The following PSMD6 variants were observed in gnomAD, a reference collection of about 807,000 sequenced individuals.
PSMD6 encodes the protein 26S proteasome non-ATPase regulatory subunit 6.
Under a neutral mutation model 44.9 loss-of-function variants are expected in PSMD6, and 7 were observed. The observed-to-expected ratio is 0.16, with a 90% CI of 0.09 to 0.29. The LOEUF (loss-of-function observed/expected upper bound fraction) is 0.29. PSMD6 is among the 10% of genes least tolerant of loss of function. The pLI is 1.00. For missense variants in PSMD6, 420 were observed against 482.6 expected (o/e 0.87, Z 1.21); for synonymous variants, 184 against 172.7 (o/e 1.07, Z -0.51).
intron 2 of PSMD6, among the ~76,000 whole-genome samples, chr3:64,021,638 G>C (rs1221525557): frequency 6.6e-6 from 1 of 152,142 alleles, no homozygotes; most frequent in East Asian, 1.9e-4. Flanking sequence ...TTGAAATCCA[G>C]TCTCTACTAA....
intron 5 of PSMD6, chr3:64,015,589 T>C (rs1414019495): frequency 6.6e-6 from 1 of 152,194 alleles, no homozygotes; most frequent in Non-Finnish European, 1.5e-5. Flanking sequence ...TGACCAACTA[T>C]ATGTATAGTG....
rs993885519 is a variant in PSMD6 at position 64,013,557 on chromosome 3, G to C, written c.877C>G (p.Arg293Gly). 1.2e-6 allele frequency: 2 copies of C among 1,611,932 alleles called. No individual in the cohort carries two copies. The highest frequency in any genetic ancestry group is 1.7e-6 in the Non-Finnish European group (2 of 1,179,292). The part of the protein sequence containing the change: ...KKDWLFAPHY[R>G]YYVREMRIHA... ...ATTCTCATTTCTCTTACATAGTATC[G>C]ATAATGAGGGGCAAAAAGCCAGTCC... Residue 293 changes from arginine (R) to glycine (G), a missense_variant, in exon 6 of 8, where the codon CGA (arginine) becomes GGA (glycine). Transcript: ENST00000295901.
chr3:64,016,137 A>C (rs1241025290), intron 5 of PSMD6: 1 of 152,174 alleles, frequency 6.6e-6, no homozygotes, highest in Non-Finnish European at 1.5e-5. Context: ...CAATGAGCCA[A>C]GGTCATGTCA....
rs2076088787 is a variant in PSMD6, at chr3:64,018,855, C to G, written c.680G>C (p.Ser227Thr). 1.3e-6 allele frequency: 2 copies of G among 1,592,990 alleles called. No homozygotes were observed. Among genetic ancestry groups the G allele is most frequent in the Non-Finnish European group, 1.7e-6 (2 of 1,161,168 alleles). The stretch of plus-strand genomic sequence containing the variant: ...ATCTGGTCTTTCTAAGGCAATCATA[C>G]TGACATAGACAGTATAAGTCACAAA... Reference protein sequence around the residue: ...KTFVTYTVYVSMIALERPDLR... With the variant: ...KTFVTYTVYVTMIALERPDLR... The change falls in exon 4 of 8, where the codon AGT (serine) becomes ACT (threonine). Residue 227 changes from serine (S) to threonine (T), a missense_variant. Around this residue, in one of 4 missense-constraint regions of PSMD6, gnomAD observed 216 missense variants for 227.0 expected, o/e 0.95. Transcript: ENST00000295901.
chr3:64,010,672 A>G lies in PSMD6; in HGVS notation c.1166T>C (p.Met389Thr), dbSNP rs1261695407. Residue 389 changes from methionine (M) to threonine (T), a missense_variant, in exon 8 of 8, where the codon ATG becomes ACG. Around this residue, in one of 4 missense-constraint regions of PSMD6, gnomAD observed 63 missense variants for 112.1 expected, o/e 0.56. Transcript: ENST00000295901. ...RVQKLSRVIN[M>T] ...TCCTTTGTTAGTTACATGGCTTTAC[A>G]TATTAATTACTCTGGAAAGTTTTTG... The G allele has an allele frequency of 6.3e-7, 1 of 1,580,690 alleles. No homozygotes were observed. The highest frequency in any genetic ancestry group is 8.7e-7 in the Non-Finnish European group (1 of 1,153,016).
At chr3:64,022,832 C>A in intron 1 of PSMD6, 1 of 1,534,552 alleles carries the variant, frequency 6.5e-7, no homozygotes, top group Non-Finnish European at 8.7e-7. Flanking sequence ...TTTATACACA[C>A]ATACTCACAT....
At chr3:64,022,589 G>A (rs1576039793) in intron 1 of PSMD6, 66 bp from the exon 2 acceptor site, 1 of 1,569,082 alleles carries the variant, frequency 6.4e-7, no homozygotes, top group East Asian at 2.3e-5. Context: ...GTCTGCCCAC[G>A]TATTTCACCC....
In PSMD6 at chr3:64,023,342, G is replaced by T; in HGVS notation, c.78C>A (p.Leu26=). The T allele has an allele frequency of 6.2e-7, 1 of 1,609,188 alleles. No individual in the cohort carries two copies. Among genetic ancestry groups the T allele is most frequent in the Non-Finnish European group, 8.5e-7 (1 of 1,177,894 alleles). ...DLRIAQLRFL[L]SLPEHRGDAA... ...CGTCTCCGCGGTGCTCGGGCAGGCT[G>T]AGCAGGAAGCGCAGCTGCGCGATAC... The change falls in exon 1 of 8, where the codon CTC becomes CTA. Residue 26 remains leucine (L), a synonymous_variant. Transcript: ENST00000295901.
chr3:64,020,344 T>C (rs894308336), intron 2 of PSMD6, among the ~76,000 whole-genome samples: 4 of 152,082 alleles, frequency 2.6e-5, no homozygotes, highest in African/African-American at 4.8e-5. Flanking sequence ...CGAGAGTAAA[T>C]AGGAGGGGAA....
At chr3:64,022,706 G>A (rs2076151895) in intron 1 of PSMD6, 183 bp from the exon 2 acceptor site, 3 of 1,536,876 alleles carry the variant, frequency 2.0e-6, no homozygotes, top group Non-Finnish European at 2.6e-6. Flanking sequence ...CTGGTGGGAG[G>A]TTTGCGTGAC....
chr3:64,011,041 T>G (rs1458851331), intron 6 of PSMD6, 86 bp from the exon 7 acceptor site: 5 of 1,127,710 alleles, frequency 4.4e-6, no homozygotes, highest in Non-Finnish European at 6.4e-6. Flanking sequence ...TGTCTTAAAT[T>G]TGTAACAAAC....
chr3:64,022,933 A>G, intron 1 of PSMD6: 3 of 1,444,002 alleles, frequency 2.1e-6, no homozygotes, highest in Non-Finnish European at 2.8e-6. Context: ...ACTCTCCCAC[A>G]GGAATACCCC....
chr3:64,018,784 T>C, intron 4 of PSMD6, 34 bp downstream of exon 4: 1 of 1,533,428 alleles, frequency 6.5e-7, no homozygotes, highest in Non-Finnish European at 9.0e-7. Flanking sequence ...AAAAAACAAG[T>C]CTTTAAATTT....
chr3:64,018,856 T>C lies in PSMD6; in HGVS notation c.679A>G (p.Ser227Gly), dbSNP rs772163100. The C allele has an allele frequency of 1.9e-6, 3 of 1,593,872 alleles. No homozygotes were observed. Among genetic ancestry groups the C allele is most frequent in the Admixed American group, 1.7e-5 (1 of 59,994 alleles). ...KTFVTYTVYV[S>G]MIALERPDLR... ...TCTGGTCTTTCTAAGGCAATCATAC[T>C]GACATAGACAGTATAAGTCACAAAT... The change falls in exon 4 of 8, where the codon AGT becomes GGT. Residue 227 changes from serine (S) to glycine (G), a missense_variant. By Grantham distance (56) the Ser-to-Gly change is moderately conservative. Transcript: ENST00000295901.
At chr3:64,012,897 T>A (rs2075983356) in intron 6 of PSMD6, 1 of 152,244 alleles carries the variant, frequency 6.6e-6, no homozygotes, top group South Asian at 2.1e-4. Context: ...TTCCTTGCCA[T>A]CTCTTCCCTA....
chr3:64,013,302 A>G (rs972122025), intron 6 of PSMD6, 137 bp downstream of exon 6: 1 of 817,406 alleles, frequency 1.2e-6, no homozygotes, highest in Non-Finnish European at 1.8e-6. Context: ...ATGTTTTGAT[A>G]ATACTGAGGA....
In PSMD6 at chr3:64,010,787, A is replaced by G. The variant is rs778394033; in HGVS notation, c.1074-23T>C. ...GGTCTATAAATAAATTCAAGAAAAA[A>G]TGAATTATTTACCAGTCACATTATT... On this transcript the variant is annotated intron_variant, in intron 7 of 7. Transcript: ENST00000295901. 4.4e-6 allele frequency: 7 copies of G among 1,585,154 alleles called. No homozygotes were observed. In the South Asian group the frequency reaches 5.6e-5, roughly 13 times the overall value.
chr3:64,023,704 C>T (rs909561730), upstream of PSMD6: 46 of 1,482,634 alleles, frequency 3.1e-5, 2 homozygotes, highest in South Asian at 5.7e-4. Context: ...ATCTCTTTCT[C>T]ACTCCCTTTT....
intron 2 of PSMD6, 103 bp downstream of exon 2, chr3:64,022,215 T>C (rs560362525): frequency 3.8e-6 from 5 of 1,304,410 alleles, no homozygotes; most frequent in Non-Finnish European, 5.3e-6. Flanking sequence ...CTTTATACTT[T>C]TTCTAAAACG....
Sources: gnomAD v4.1 joint callset for allele counts (sites outside exome capture counted in the v4.1 genomes callset) on GRCh38, gnomAD v4.1.1 for gene constraint, gnomAD v4.1.1 regional missense constraint, MANE v1.5 for transcripts, NCBI Gene and HGNC (gene_info 2026-07-23, HGNC 2026-07-21) for gene names.